Variants in IL17B observed in about 807,000 individuals in gnomAD.
IL17B encodes interleukin-17B.
A neutral mutation model predicts 14.7 loss-of-function variants in IL17B; 14 were observed. The observed-to-expected ratio is 0.95, with a 90% CI of 0.63 to 1.49. IL17B has a LOEUF of 1.49. Among genes scored for constraint, IL17B ranks in the 40% most tolerant of loss-of-function variants. IL17B has a pLI of 0.00. For synonymous variants in IL17B, 105 were observed against 94.8 expected (o/e 1.11, Z -0.62); for missense variants, 233 against 252.8 (o/e 0.92, Z 0.53).
intron 1 of IL17B, among the ~76,000 whole-genome samples, chr5:149,389,047 T>C (rs1758886835): frequency 1.3e-5 from 2 of 152,198 alleles, no homozygotes; most frequent in African/African-American, 4.8e-5. Context: ...TGTCGGCTGA[T>C]AGGAAGTTGG....
chr5:149,380,096 T>G (rs1242529652), upstream of IL17B, among the ~76,000 whole-genome samples: 1 of 152,184 alleles, frequency 6.6e-6, no homozygotes, highest in African/African-American at 2.4e-5. Context: ...ACTGTGTGGC[T>G]GCATGTGAGC....
upstream of IL17B, among the ~76,000 whole-genome samples, chr5:149,379,558 GCA>G (rs1461036560): frequency 2.0e-5 from 3 of 152,222 alleles, no homozygotes; most frequent in Admixed American, 2.0e-4. Flanking sequence ...CGCCCAGCCA[GCA>G]CCCACAGGGC....
chr5:149,393,696 T>G (rs964208228), intron 1 of IL17B, among the ~76,000 whole-genome samples: 4 of 152,132 alleles, frequency 2.6e-5, no homozygotes, highest in African/African-American at 7.2e-5. Flanking sequence ...TTTTTTTTCT[T>G]CCTTCCTCCA....
chr5:149,383,901 C>T (rs1346794135), upstream of IL17B, among the ~76,000 whole-genome samples: 1 of 152,310 alleles, frequency 6.6e-6, no homozygotes, highest in East Asian at 1.9e-4. Flanking sequence ...TCGCCTAGGC[C>T]TCTCTTCTGC....
At chr5:149,378,872 G>A (rs1758613941) in intron 1 of IL17B, among the ~76,000 whole-genome samples, 2 of 152,206 alleles carry the variant, frequency 1.3e-5, no homozygotes. Flanking sequence ...CTGAGAAACA[G>A]AAGGACTTGC....
chr5:149,381,750 GTTTCT>G (rs1214578276), upstream of IL17B, among the ~76,000 whole-genome samples: 3 of 152,164 alleles, frequency 2.0e-5, no homozygotes, highest in Non-Finnish European at 2.9e-5. Context: ...TCCAGTCTTG[GTTTCT>G]AGAAACCCCT....
chr5:149,374,396 G>C lies in IL17B; in HGVS notation c.516C>G (p.Ile172Met). ...PCRQRAVMET[I>M]AVGCTCIF ...AGAAGATGCAGGTGCAGCCCACAGC[G>C]ATGGTCTCCATGACTGCGCGCTGGC... The change falls in exon 3 of 3, where the codon ATC (isoleucine) becomes ATG (methionine). Residue 172 changes from isoleucine (I) to methionine (M), a missense_variant. Physicochemically the swap from Ile to Met is conservative, Grantham distance 10. Transcript: ENST00000261796. The surrounding 1 kb of genome is among the most constrained non-coding windows in gnomAD (Gnocchi z 5.0). 1.9e-6 allele frequency: 3 copies of C among 1,591,926 alleles called. No individual in the cohort carries two copies. Among genetic ancestry groups the C allele is most frequent in the Non-Finnish European group, 2.6e-6 (3 of 1,170,634 alleles).
chr5:149,377,062 C>T (rs1195912913), intron 1 of IL17B, 37 bp from the exon 2 acceptor site: 6 of 1,505,626 alleles, frequency 4.0e-6, no homozygotes, highest in Non-Finnish European at 5.3e-6. Flanking sequence ...GTGGGAGAGC[C>T]AAGTCTCTAT....
At chr5:149,402,138 G>A (rs1051690673) in intron 1 of IL17B, among the ~76,000 whole-genome samples, 2 of 152,190 alleles carry the variant, frequency 1.3e-5, no homozygotes, top group African/African-American at 2.4e-5. Flanking sequence ...TTGGAAGGAG[G>A]TGTCCAGACC....
upstream of IL17B, among the ~76,000 whole-genome samples, chr5:149,383,706 C>A (rs543742870): frequency 1.3e-4 from 20 of 152,340 alleles, no homozygotes; most frequent in African/African-American, 4.8e-4. Context: ...CAGCAAGCTC[C>A]CAGTTCTCAA....
chr5:149,378,966 G>A (rs1010107972), intron 1 of IL17B, among the ~76,000 whole-genome samples: 3 of 152,130 alleles, frequency 2.0e-5, no homozygotes, highest in East Asian at 3.9e-4. Flanking sequence ...CTCCCCAGAC[G>A]CCTCTGGTCT....
chr5:149,391,968 A>G (rs532533105), intron 1 of IL17B, among the ~76,000 whole-genome samples: 1 of 152,260 alleles, frequency 6.6e-6, no homozygotes, highest in East Asian at 1.9e-4. Flanking sequence ...CCTCTTCCCC[A>G]GCTTCTCATC....
intron 1 of IL17B, among the ~76,000 whole-genome samples, chr5:149,389,782 T>A (rs2127620635): frequency 6.6e-6 from 1 of 152,352 alleles, no homozygotes; most frequent in African/African-American, 2.4e-5. Context: ...GAGCTGAGCA[T>A]CCAGTGAACA....
At chr5:149,398,635 A>G (rs1018402327) in intron 1 of IL17B, among the ~76,000 whole-genome samples, 2 of 152,204 alleles carry the variant, frequency 1.3e-5, no homozygotes, top group Admixed American at 6.5e-5. Context: ...GGCTGGGCCC[A>G]GTGGCTCACG....
chr5:149,388,809 A>C (rs1453503355), intron 1 of IL17B, among the ~76,000 whole-genome samples: 3 of 152,226 alleles, frequency 2.0e-5, no homozygotes, highest in Non-Finnish European at 4.4e-5. Flanking sequence ...ACAAAAACAG[A>C]GTCAGAGGTC....
chr5:149,398,081 A>T (rs933299566), intron 1 of IL17B, among the ~76,000 whole-genome samples: 1 of 152,206 alleles, frequency 6.6e-6, no homozygotes, highest in African/African-American at 2.4e-5. Context: ...ATAGCCCTTC[A>T]TCCAGTCAAG....
intron 1 of IL17B, among the ~76,000 whole-genome samples, chr5:149,398,732 C>G (rs187043312): frequency 5.0e-4 from 76 of 152,284 alleles, no homozygotes; most frequent in African/African-American, 1.8e-3. Flanking sequence ...CATGGATAAA[C>G]CCCATCTCTA....
rs188869655 is a variant in IL17B, at chr5:149,401,149, T to G, written n.95+2959A>C. 2.6e-5 allele frequency among the ~76,000 whole-genome samples: 4 copies of G among 152,318 alleles called. No homozygotes were observed. In the East Asian group the frequency reaches 7.7e-4, roughly 29 times the overall value. ...TAGCATCTGCCTTGACAGGACAATTTTGTGGTTTTCAAAGTCATTCCCAAG... is the reference window on the plus strand; with the variant it reads ...TAGCATCTGCCTTGACAGGACAATTGTGTGGTTTTCAAAGTCATTCCCAAG... On this transcript the variant is annotated intron_variant and non_coding_transcript_variant, in intron 1 of 2. Transcript: ENST00000505432.
chr5:149,402,777 G>A (rs897905141), intron 1 of IL17B, among the ~76,000 whole-genome samples: 14 of 151,672 alleles, frequency 9.2e-5, no homozygotes, highest in South Asian at 6.2e-4. Context: ...GCCGAGGCGG[G>A]CGGATCACAA....
Sources: gnomAD v4.1 joint callset for allele counts (sites outside exome capture counted in the v4.1 genomes callset) on GRCh38, gnomAD v4.1.1 for gene constraint, Gnocchi (gnomAD v3.1) non-coding constraint, MANE v1.5 for transcripts, NCBI Gene and HGNC (gene_info 2026-07-23, HGNC 2026-07-21) for gene names.